Variants in UBE2E3 observed in about 807,000 individuals in gnomAD.
The protein encoded by UBE2E3 is ubiquitin conjugating enzyme E2 E3.
A neutral mutation model predicts 23.6 loss-of-function variants in UBE2E3; 5 were observed. The ratio of observed to expected loss-of-function variants is 0.21; its 90% CI spans 0.11 to 0.44. The LOEUF is 0.44. UBE2E3 is among the 20% of genes least tolerant of loss of function. UBE2E3 has a pLI of 0.99. For missense variants in UBE2E3, 81 were observed against 249.8 expected (o/e 0.32, Z 4.55); for synonymous variants, 78 against 87.5 (o/e 0.89, Z 0.60).
chr2:181,051,774 C>A (rs1686850383), intron 3 of UBE2E3, among the ~76,000 whole-genome samples: 1 of 151,796 alleles, frequency 6.6e-6, no homozygotes, highest in African/African-American at 2.4e-5. Flanking sequence ...CTTAGTCCAA[C>A]CTAATGGAGT....
chr2:181,021,567 CCTT>C (rs1685684684), intron 3 of UBE2E3, among the ~76,000 whole-genome samples: 3 of 118,102 alleles, frequency 2.5e-5, no homozygotes, highest in Non-Finnish European at 5.3e-5. Flanking sequence ...TTCCTTCCTT[CCTT>C]CCTCCCTCCC....
chr2:181,021,576 C>T (rs1685686784), intron 3 of UBE2E3, among the ~76,000 whole-genome samples: 2 of 102,424 alleles, frequency 2.0e-5, no homozygotes, highest in African/African-American at 3.7e-5. Context: ...TCCTTCCTCC[C>T]TCCCTCCCTT....
At position 181,043,800 on chromosome 2, in the gene UBE2E3, TTC is replaced by T. The variant is rs1686588827; in HGVS notation, c.246-13891_246-13890del. ...GTATGTATAGTTTTGTGATCTACTC[TTC>T]TTTCTTAATCTGTCATGAATATTTC... is the stretch of plus-strand genomic sequence containing the variant. On this transcript the variant is annotated intron_variant, in intron 3 of 5. Transcript: ENST00000410062. Among the ~76,000 whole-genome samples, 3 of 152,162 alleles carry T rather than the reference TTC, an allele frequency of 2.0e-5. No homozygotes were observed. The East Asian group carries it at 5.8e-4, about 29-fold the overall frequency.
intron 3 of UBE2E3, among the ~76,000 whole-genome samples, chr2:181,045,762 T>C (rs991185752): frequency 1.3e-5 from 2 of 152,168 alleles, no homozygotes; most frequent in African/African-American, 4.8e-5. Context: ...GGTTGCTTAT[T>C]AGAATAACCT....
intron 3 of UBE2E3, among the ~76,000 whole-genome samples, chr2:181,041,232 CT>C (rs1559132226): frequency 2.2e-4 from 7 of 31,894 alleles, no homozygotes; most frequent in South Asian, 1.6e-3. Flanking sequence ...AAGACTCCGT[CT>C]CAAAAAAAAA....
chr2:181,012,965 C>T (rs6716942), intron 3 of UBE2E3, among the ~76,000 whole-genome samples: 2 of 152,060 alleles, frequency 1.3e-5, no homozygotes, highest in African/African-American at 4.8e-5. Flanking sequence ...ATAGTCCTTC[C>T]TAACAAGGGA....
chr2:181,008,283 C>G (rs2105603350), intron 3 of UBE2E3, among the ~76,000 whole-genome samples: 1 of 152,242 alleles, frequency 6.6e-6, no homozygotes, highest in Admixed American at 6.5e-5. Flanking sequence ...ATGTGGCAGG[C>G]AATAGTGTAA....
At chr2:181,017,216 C>A (rs1389508031) in intron 3 of UBE2E3, among the ~76,000 whole-genome samples, 1 of 152,098 alleles carries the variant, frequency 6.6e-6, no homozygotes, top group Non-Finnish European at 1.5e-5. Flanking sequence ...GGAAGAATCA[C>A]AGGGGCTGGA....
intron 3 of UBE2E3, chr2:180,990,196 G>A (rs887254336): frequency 1.8e-5 from 9 of 509,416 alleles, no homozygotes; most frequent in Non-Finnish European, 2.5e-5. Context: ...GGCGACAATT[G>A]GTAATGCCCA....
chr2:181,030,670 G>C (rs1686047730), intron 3 of UBE2E3, among the ~76,000 whole-genome samples: 1 of 152,054 alleles, frequency 6.6e-6, no homozygotes, highest in Admixed American at 6.5e-5. Context: ...GAAGTCTCCT[G>C]TAAAACTATG....
chr2:181,041,913 C>T (rs914497986), intron 3 of UBE2E3, among the ~76,000 whole-genome samples: 1 of 152,142 alleles, frequency 6.6e-6, no homozygotes, highest in African/African-American at 2.4e-5. Context: ...AGAGTCATCT[C>T]AGCAGACCTT....
chr2:181,041,285 C>T (rs1287966879), intron 3 of UBE2E3, among the ~76,000 whole-genome samples: 2 of 143,596 alleles, frequency 1.4e-5, no homozygotes, highest in African/African-American at 2.6e-5. Flanking sequence ...TATAGAGTGT[C>T]AAATAGCGCT....
chr2:181,051,529 A>G (rs1559135565), intron 3 of UBE2E3, among the ~76,000 whole-genome samples: 1 of 151,762 alleles, frequency 6.6e-6, no homozygotes, highest in Non-Finnish European at 1.5e-5. Context: ...AGATTGGTCT[A>G]ATTTAAGGGC....
At chr2:181,015,303 G>T (rs1454709343) in intron 3 of UBE2E3, among the ~76,000 whole-genome samples, 2 of 152,014 alleles carry the variant, frequency 1.3e-5, no homozygotes. Flanking sequence ...TTAAAATGAG[G>T]GCTTTATCAC....
intron 3 of UBE2E3, among the ~76,000 whole-genome samples, chr2:181,055,114 T>C (rs1482350020): frequency 1.3e-5 from 2 of 151,894 alleles, no homozygotes; most frequent in African/African-American, 4.8e-5. Flanking sequence ...AGGAAATGCC[T>C]GTTGGGAATG....
intron 3 of UBE2E3, among the ~76,000 whole-genome samples, chr2:181,056,097 A>G (rs1049766492): frequency 3.3e-5 from 5 of 151,536 alleles, no homozygotes; most frequent in South Asian, 2.1e-4. Context: ...AAAAAAAAAA[A>G]AAGATGCTAA....
chr2:181,048,884 A>T (rs1046060912), intron 3 of UBE2E3, among the ~76,000 whole-genome samples: 1 of 151,982 alleles, frequency 6.6e-6, no homozygotes, highest in Non-Finnish European at 1.5e-5. Context: ...CATTTGATGT[A>T]CTTCATATAA....
intron 3 of UBE2E3, among the ~76,000 whole-genome samples, chr2:180,996,356 A>C (rs1473310336): frequency 6.6e-6 from 1 of 152,196 alleles, no homozygotes; most frequent in Non-Finnish European, 1.5e-5. Context: ...GATCTTTATT[A>C]TAACTATAGG....
chr2:181,020,579 A>G (rs766418781), intron 3 of UBE2E3, among the ~76,000 whole-genome samples: 3 of 152,240 alleles, frequency 2.0e-5, no homozygotes, highest in African/African-American at 4.8e-5. Flanking sequence ...TTTTTAATTC[A>G]TAGTCATTTC....
Sources: allele counts gnomAD v4.1 joint callset (sites outside exome capture counted in the v4.1 genomes callset), GRCh38; gene constraint gnomAD v4.1.1; transcripts MANE v1.5; gene names NCBI Gene and HGNC (gene_info 2026-07-23, HGNC 2026-07-21).